The following ITSN2 variants were observed in gnomAD, a reference collection of about 807,000 sequenced individuals.
ITSN2 encodes intersectin 2.
In ITSN2, 156 loss-of-function variants were observed where a neutral mutation model predicts 243.7. The observed-to-expected ratio is 0.64, with a 90% CI of 0.56 to 0.73. The LOEUF is 0.73. ITSN2 is among the 30% of genes least tolerant of loss of function. The probability of loss-of-function intolerance (pLI) is 0.00; values close to 1 mark genes in which losing one functional copy is unlikely to be tolerated. For missense variants in ITSN2, 1,801 were observed against 1,996.1 expected (o/e 0.90, Z 1.86); for synonymous variants, 703 against 699.9 (o/e 1.00, Z -0.07).
At chr2:24,324,734 T>A (rs2151822676) in intron 2 of ITSN2, among the ~76,000 whole-genome samples, 1 of 151,308 alleles carries the variant, frequency 6.6e-6, no homozygotes, top group South Asian at 2.1e-4. Flanking sequence ...ATGTCTGTAG[T>A]CCCAGTTACT....
intron 30 of ITSN2, chr2:24,220,438 T>C (rs1187597367): frequency 7.1e-6 from 7 of 987,144 alleles, no homozygotes; most frequent in Non-Finnish European, 8.4e-6. Flanking sequence ...AGTAGCTATA[T>C]GATATTTGGG....
At position 24,317,871 on chromosome 2, in the gene ITSN2, AGACT is replaced by A. The variant is rs556252780; in HGVS notation, c.32-2651_32-2648del. Among the ~76,000 whole-genome samples the A allele has an allele frequency of 4.0e-3, 607 of 152,336 alleles. 4 individuals carry two copies. Among genetic ancestry groups the A allele is most frequent in the Non-Finnish European group, 6.0e-3 (408 of 68,028 alleles). ...GGCATTGTTCCCTTTGACTCCTGGC[AGACT>A]GACTATATTGGACCTTTGTTCCCTC... On this transcript the variant is annotated intron_variant, in intron 2 of 39. Transcript: ENST00000355123.
intron 30 of ITSN2, among the ~76,000 whole-genome samples, chr2:24,218,599 C>A (rs573424482): frequency 6.6e-6 from 1 of 151,756 alleles, no homozygotes; most frequent in Non-Finnish European, 1.5e-5. Context: ...TGTACACACA[C>A]GCGTGTGTGT....
chr2:24,330,772 T>C (rs768115077), intron 1 of ITSN2: 7 of 156,960 alleles, frequency 4.5e-5, no homozygotes, highest in Non-Finnish European at 6.7e-5. Flanking sequence ...TTCATTTTAC[T>C]TTTTTTTTTT....
At chr2:24,333,722 T>G (rs1166815733) in intron 1 of ITSN2, among the ~76,000 whole-genome samples, 1 of 152,152 alleles carries the variant, frequency 6.6e-6, no homozygotes, top group African/African-American at 2.4e-5. Flanking sequence ...TTTGGAGTAA[T>G]TGCCAAACGT....
At position 24,308,603 on chromosome 2, in the gene ITSN2, T is replaced by G. The variant is rs762007781; in HGVS notation, c.793+14A>C. On this transcript the variant is annotated intron_variant, in intron 8 of 39. Coordinates refer to ENST00000355123, the MANE Select transcript of ITSN2 (RefSeq NM_006277.3). ...GACCCTTTTTCATGCTCTTCAGCAC[T>G]GTATGCTGCTTACCTGAGAGATATC... The G allele has an allele frequency of 6.2e-6, 9 of 1,453,588 alleles. No individual in the cohort carries two copies. In the Admixed American group the frequency reaches 2.0e-4, roughly 32 times the overall value. 90.0% of individuals were successfully genotyped at this position (1,453,588 alleles called of 1,614,324 possible). A position where few individuals can be genotyped will look rare whatever the true frequency, so the allele number is the denominator to read the frequency against.
rs1444395471 is a variant in ITSN2, at chr2:24,300,144, T to C, written c.1109A>G (p.Asn370Ser). The change falls in exon 12 of 40, where the codon AAC (asparagine) becomes AGC (serine). Residue 370 changes from asparagine (N) to serine (S), a missense_variant. Physicochemically the swap from Asn to Ser is conservative, Grantham distance 46. Transcript: ENST00000355123. ...PVTFEDKRKANYERGNMELEK... is the reference protein window; with the variant it reads ...PVTFEDKRKASYERGNMELEK... ...CAGCTCCATGTTCCCTCGCTCATAG[T>C]TGGCTTTCCGTTTGTCCTCAAAAGT... 2 of 1,614,182 alleles carry C rather than the reference T, an allele frequency of 1.2e-6. No homozygotes were observed. Among genetic ancestry groups the C allele is most frequent in the Non-Finnish European group, 8.5e-7 (1 of 1,180,030 alleles).
rs749659099 is a variant in ITSN2 at position 24,286,296 on chromosome 2, T to C, written c.1779A>G (p.Gln593=). 14 of 1,607,346 alleles carry C rather than the reference T, an allele frequency of 8.7e-6. No homozygotes were observed. The highest frequency in any genetic ancestry group is 1.7e-5 in the Admixed American group (1 of 59,946). The change falls in exon 16 of 40, where the codon CAA becomes CAG. Residue 593 remains glutamine, a synonymous_variant. Transcript: ENST00000355123. Reference sequence around the variant, plus strand: ...GAGCATCTAACTGTTCTTTAAGTCTTTGGCATAATTCTTCCTTTTCTAATG... The same window carrying C: ...GAGCATCTAACTGTTCTTTAAGTCTCTGGCATAATTCTTCCTTTTCTAATG... The part of the protein sequence containing the change: ...KKSLEKEELC[Q]RLKEQLDALE...
chr2:24,275,108 G>A (rs1677852602), intron 18 of ITSN2, among the ~76,000 whole-genome samples: 1 of 152,170 alleles, frequency 6.6e-6, no homozygotes, highest in African/African-American at 2.4e-5. Context: ...ATACAATTAA[G>A]TATTCTGCTT....
intron 1 of ITSN2, among the ~76,000 whole-genome samples, chr2:24,337,315 AATATATATATATATATATATAT>A (rs201712131): frequency 0.027 from 869 of 32,020 alleles, 47 homozygotes; most frequent in African/African-American, 0.092. Flanking sequence ...GTATACACAA[AATATATATATATATATATATAT>A]ATATATATAT....
At chr2:24,235,157 A>C (rs1302621528) in intron 29 of ITSN2, among the ~76,000 whole-genome samples, 1 of 152,208 alleles carries the variant, frequency 6.6e-6, no homozygotes, top group Non-Finnish European at 1.5e-5. Flanking sequence ...TTTAGCACTA[A>C]AACGAAAGGA....
At chr2:24,272,405 C>T (rs1249611701) in intron 18 of ITSN2, among the ~76,000 whole-genome samples, 1 of 147,522 alleles carries the variant, frequency 6.8e-6, no homozygotes, top group Non-Finnish European at 1.5e-5. Context: ...ATAGGAAATG[C>T]TTCTAGAAAA....
chr2:24,310,807 G>A (rs577620942), intron 5 of ITSN2, 115 bp from the exon 6 acceptor site: 1 of 802,610 alleles, frequency 1.2e-6, no homozygotes, highest in Admixed American at 2.6e-5. Flanking sequence ...ACACACAGAT[G>A]AATTATCCTT....
At chr2:24,352,926 A>T (rs1436772819) in intron 1 of ITSN2, among the ~76,000 whole-genome samples, 1 of 152,228 alleles carries the variant, frequency 6.6e-6, no homozygotes, top group Non-Finnish European at 1.5e-5. Flanking sequence ...AGAACTAAAT[A>T]TTACAGCAAA....
intron 1 of ITSN2, among the ~76,000 whole-genome samples, chr2:24,351,003 T>A (rs570713458): frequency 1.3e-5 from 2 of 152,318 alleles, no homozygotes; most frequent in African/African-American, 4.8e-5. Flanking sequence ...TTTTACAATA[T>A]GTATCTCAAT....
chr2:24,282,413 T>C (rs956669467), intron 17 of ITSN2, among the ~76,000 whole-genome samples: 4 of 152,198 alleles, frequency 2.6e-5, no homozygotes, highest in African/African-American at 7.2e-5. Context: ...GAGCTACTTC[T>C]ACTCAATAAA....
At chr2:24,283,033 A>G (rs891777709) in intron 17 of ITSN2, among the ~76,000 whole-genome samples, 11 of 151,696 alleles carry the variant, frequency 7.3e-5, no homozygotes, top group African/African-American at 2.7e-4. Context: ...AAAAAAAAAA[A>G]AAGATTTTCC....
intron 14 of ITSN2, among the ~76,000 whole-genome samples, chr2:24,295,101 A>C (rs1270531199): frequency 6.6e-6 from 1 of 152,192 alleles, no homozygotes; most frequent in African/African-American, 2.4e-5. Flanking sequence ...AGAATGCATA[A>C]ACATTGTTAA....
In ITSN2 at chr2:24,337,340, A is replaced by ATATATATATG. The variant is rs1558650731; in HGVS notation, c.-33-9226_-33-9225insCATATATATA. On this transcript the variant is annotated intron_variant, in intron 1 of 39. Coordinates refer to ENST00000355123, the MANE Select transcript of ITSN2 (RefSeq NM_006277.3). Reference sequence around the variant, plus strand: ...AATATATATATATATATATATATATATATATATATATATGTAATTTTTTTT... The same window carrying ATATATATATG: ...AATATATATATATATATATATATATATATATATATGTATATATATATATGTAATTTTTTTT... 2.5e-4 allele frequency among the ~76,000 whole-genome samples: 28 copies of ATATATATATG among 112,350 alleles called. 1 individual carries two copies. The highest frequency in any genetic ancestry group is 6.8e-4 in the Admixed American group (7 of 10,328). 73.7% of individuals were successfully genotyped at this position (112,350 alleles called of 152,430 possible). A position where few individuals can be genotyped will look rare whatever the true frequency, so the allele number is the denominator to read the frequency against.
Sources: allele counts gnomAD v4.1 joint callset (sites outside exome capture counted in the v4.1 genomes callset), GRCh38; gene constraint gnomAD v4.1.1; transcripts MANE v1.5; gene names NCBI Gene and HGNC (gene_info 2026-07-23, HGNC 2026-07-21).